HS6ST2: variants seen among roughly 807,000 people sequenced by gnomAD.
The protein encoded by HS6ST2 is heparan-sulfate 6-O-sulfotransferase 2.
HS6ST2 carries 17 observed loss-of-function variants against 33.0 expected under a neutral mutation model. That is an observed-to-expected ratio of 0.52 (90% CI 0.35 to 0.77). HS6ST2 has a LOEUF of 0.77. Among genes scored for constraint, HS6ST2 ranks in the 30% least tolerant of loss-of-function variants. The pLI, the probability that HS6ST2 is intolerant of heterozygous loss-of-function variation, is 0.01. For synonymous variants in HS6ST2, 248 were observed against 237.1 expected (o/e 1.05, Z -0.42); for missense variants, 519 against 551.7 (o/e 0.94, Z 0.59).
In HS6ST2 at chrX:132,788,347, A is replaced by G. The variant is rs192217308; in HGVS notation, c.948-79853T>C. The stretch of plus-strand genomic sequence containing the variant: ...GATCATTGATGTTACTCTTGTAATT[A>G]CTTGCGGGCACCATAAACTGCACCC... On this transcript the variant is annotated intron_variant, in intron 2 of 4. Coordinates refer to ENST00000370833, the MANE Select transcript of HS6ST2 (RefSeq NM_001394073.1). Among the ~76,000 whole-genome samples the G allele has an allele frequency of 2.7e-5, 3 of 111,714 alleles. No homozygotes were observed. The Admixed American group carries it at 2.9e-4, about 11-fold the overall frequency.
At chrX:132,877,940 A>G (rs2148437225) in intron 2 of HS6ST2, among the ~76,000 whole-genome samples, 1 of 111,399 alleles carries the variant, frequency 9.0e-6, no homozygotes, top group African/African-American at 3.3e-5. Flanking sequence ...GTTGACTGGC[A>G]TTCCAAAAGA....
At chrX:132,720,244 G>T (rs1003741196) in intron 2 of HS6ST2, among the ~76,000 whole-genome samples, 4 of 112,303 alleles carry the variant, frequency 3.6e-5, no homozygotes, top group Non-Finnish European at 7.5e-5. Flanking sequence ...CACATCATTA[G>T]ACTGCTTGCT....
intron 4 of HS6ST2, among the ~76,000 whole-genome samples, chrX:132,637,845 TATATAATA>T (rs2063565408): frequency 4.9e-5 from 2 of 40,728 alleles, no homozygotes; most frequent in South Asian, 9.8e-4. Flanking sequence ...TAATATTTTA[TATATAATA>T]TATATATAAT....
chrX:132,784,369 G>A (rs2065042168), intron 2 of HS6ST2, among the ~76,000 whole-genome samples: 1 of 111,588 alleles, frequency 9.0e-6, no homozygotes. Context: ...GAGAGCAGTG[G>A]TGCACTCTCG....
intron 3 of HS6ST2, among the ~76,000 whole-genome samples, chrX:132,693,999 A>G (rs192487140): frequency 2.7e-5 from 3 of 112,286 alleles, no homozygotes; most frequent in African/African-American, 6.5e-5. Flanking sequence ...AAGCAATCAC[A>G]AACATTCAGC....
chrX:132,952,833 C>T (rs2067028285), intron 2 of HS6ST2, among the ~76,000 whole-genome samples: 1 of 111,272 alleles, frequency 9.0e-6, no homozygotes, highest in Non-Finnish European at 1.9e-5. Flanking sequence ...AAGACCTACC[C>T]CTGGTGAATA....
At chrX:132,862,861 C>T in intron 2 of HS6ST2, among the ~76,000 whole-genome samples, 1 of 111,781 alleles carries the variant, frequency 8.9e-6, no homozygotes, top group East Asian at 2.8e-4. Context: ...AAAGTTTGAA[C>T]CACGAAGTAC....
intron 4 of HS6ST2, among the ~76,000 whole-genome samples, chrX:132,657,301 T>C (rs1447325395): frequency 9.0e-6 from 1 of 111,194 alleles, no homozygotes; most frequent in East Asian, 2.9e-4. Context: ...GCCTCCAGAC[T>C]TGGTGTGTGT....
At chrX:132,807,815 A>G (rs747310191) in intron 2 of HS6ST2, among the ~76,000 whole-genome samples, 23 of 112,077 alleles carry the variant, frequency 2.1e-4, no homozygotes, top group Non-Finnish European at 3.6e-4. Context: ...AAACGGCGCT[A>G]GCATTGAACA....
intron 3 of HS6ST2, among the ~76,000 whole-genome samples, chrX:132,703,277 T>C (rs754571129): frequency 6.2e-5 from 7 of 112,585 alleles, no homozygotes; most frequent in Non-Finnish European, 1.3e-4. Flanking sequence ...TGAAGGGGAC[T>C]TTGAAACTGA....
intron 2 of HS6ST2, among the ~76,000 whole-genome samples, chrX:132,954,986 A>G (rs1021227104): frequency 1.6e-4 from 18 of 111,926 alleles, no homozygotes; most frequent in African/African-American, 5.9e-4. Flanking sequence ...TACATGTTCA[A>G]AAGGATCAGT....
chrX:132,703,946 A>G (rs1196578922), intron 3 of HS6ST2, among the ~76,000 whole-genome samples: 4 of 112,196 alleles, frequency 3.6e-5, no homozygotes, highest in Non-Finnish European at 7.5e-5. Flanking sequence ...AAAAAAATGT[A>G]TTAGACACTT....
At chrX:132,860,777 C>CTTTTTTTTT (rs58059164) in intron 2 of HS6ST2, among the ~76,000 whole-genome samples, 1 of 52,896 alleles carries the variant, frequency 1.9e-5, no homozygotes, top group African/African-American at 9.1e-5. Flanking sequence ...GCATGTGTAT[C>CTTTTTTTTT]TTTTTTTTTT....
intron 2 of HS6ST2, among the ~76,000 whole-genome samples, chrX:132,926,323 T>C (rs2066709919): frequency 8.9e-6 from 1 of 112,473 alleles, no homozygotes; most frequent in Non-Finnish European, 1.9e-5. Context: ...TGGGAAGGAA[T>C]GGGCATCCAA....
At chrX:132,767,953 T>C (rs896037838) in intron 2 of HS6ST2, among the ~76,000 whole-genome samples, 1 of 111,571 alleles carries the variant, frequency 9.0e-6, no homozygotes, top group African/African-American at 3.3e-5. Context: ...CATGATGTTG[T>C]GGTGCTTCCA....
At position 132,821,032 on chromosome X, in the gene HS6ST2, A is replaced by C. The variant is rs761329212; in HGVS notation, c.948-112538T>G. On this transcript the variant is annotated intron_variant, in intron 2 of 4. Coordinates refer to ENST00000370833, the MANE Select transcript of HS6ST2 (RefSeq NM_001394073.1). ...ATGAAATTCAGATCTCCTCCTTCTC[A>C]AAGTGATTTGACTGATAATTCTCAT... Among the ~76,000 whole-genome samples, 3 of 110,203 alleles carry C rather than the reference A, an allele frequency of 2.7e-5. No individual in the cohort carries two copies. In the East Asian group the frequency reaches 8.6e-4, roughly 32 times the overall value.
chrX:132,743,301 A>G (rs754232958), intron 2 of HS6ST2, among the ~76,000 whole-genome samples: 240 of 112,319 alleles, frequency 2.1e-3, no homozygotes, highest in Non-Finnish European at 3.4e-3. Context: ...GAAGCTCTGC[A>G]TAAGCAAACA....
chrX:132,689,188 C>T (rs998871600), intron 3 of HS6ST2, among the ~76,000 whole-genome samples: 1 of 111,743 alleles, frequency 8.9e-6, no homozygotes, highest in African/African-American at 3.3e-5. Flanking sequence ...CTGTTTGAAT[C>T]CCATTATTCA....
At chrX:132,708,875 A>G (rs1221641620) in intron 2 of HS6ST2, among the ~76,000 whole-genome samples, 1 of 112,451 alleles carries the variant, frequency 8.9e-6, no homozygotes, top group Non-Finnish European at 1.9e-5. Context: ...GCATCACTGA[A>G]ATGGAAATGA....
Sources: gnomAD v4.1 joint callset for allele counts (sites outside exome capture counted in the v4.1 genomes callset) on GRCh38, gnomAD v4.1.1 for gene constraint, MANE v1.5 for transcripts, NCBI Gene and HGNC (gene_info 2026-07-23, HGNC 2026-07-21) for gene names.